The following PADI2 variants were observed in gnomAD, a reference collection of about 807,000 sequenced individuals.
PADI2 encodes the protein protein-arginine deiminase type-2.
In PADI2, 70 loss-of-function variants were observed where a neutral mutation model predicts 81.1. That is an observed-to-expected ratio of 0.86 (90% confidence interval 0.71 to 1.05). The LOEUF (loss-of-function observed/expected upper bound fraction) is 1.05. PADI2 is among the 50% of genes least tolerant of loss of function. The probability of loss-of-function intolerance (pLI) is 0.00; values close to 1 mark genes in which losing one functional copy is unlikely to be tolerated. For synonymous variants in PADI2, 338 were observed against 358.0 expected (o/e 0.94, Z 0.63); for missense variants, 853 against 889.9 (o/e 0.96, Z 0.53).
intron 2 of PADI2, among the ~76,000 whole-genome samples, chr1:17,104,390 A>C (rs574983137): frequency 6.6e-6 from 1 of 150,604 alleles, no homozygotes; most frequent in Admixed American, 6.6e-5. Context: ...TAAGTAATAG[A>C]TATTAAGACA....
chr1:17,085,832 G>T (rs1181747217), intron 7 of PADI2, among the ~76,000 whole-genome samples: 1 of 152,164 alleles, frequency 6.6e-6, no homozygotes, highest in South Asian at 2.1e-4. Context: ...TTGTGTTTGC[G>T]AGAGCAGCCA....
At chr1:17,086,783 G>T in intron 6 of PADI2, 84 bp from the exon 7 acceptor site, 1 of 1,147,130 alleles carries the variant, frequency 8.7e-7, no homozygotes, top group Non-Finnish European at 1.3e-6. Flanking sequence ...GGACAAAAGG[G>T]CAAAGTAACT....
At chr1:17,081,980 G>T (rs1322994510) in intron 10 of PADI2, among the ~76,000 whole-genome samples, 1 of 152,182 alleles carries the variant, frequency 6.6e-6, no homozygotes, top group Non-Finnish European at 1.5e-5. Context: ...AGGCATGATG[G>T]TGCATGCCTG....
rs1464144158 is a variant in PADI2 at position 17,115,900 on chromosome 1, G to A, written c.92+3380C>T. Among the ~76,000 whole-genome samples the A allele has an allele frequency of 6.6e-6, 1 of 152,246 alleles. No individual in the cohort carries two copies. Among genetic ancestry groups the A allele is most frequent in the African/African-American group, 2.4e-5 (1 of 41,460 alleles). On this transcript the variant is annotated intron_variant, in intron 1 of 15. Transcript: ENST00000375486. This position sits in a 1 kb window ranked among gnomAD's most constrained non-coding sequence, Gnocchi z 4.1. Reference sequence around the variant, plus strand: ...CTTTCTATGTATCTATTCATTGCTTGCTGGAGACTAGCAGTCAGAATGAGG... The same window carrying A: ...CTTTCTATGTATCTATTCATTGCTTACTGGAGACTAGCAGTCAGAATGAGG...
intron 10 of PADI2, 92 bp from the exon 11 acceptor site, chr1:17,079,507 G>T: frequency 9.1e-7 from 1 of 1,097,292 alleles, no homozygotes; most frequent in Non-Finnish European, 1.3e-6. Flanking sequence ...TTCAGTCTGG[G>T]TCTGTGGGCA....
chr1:17,086,761 G>C, intron 6 of PADI2, 62 bp from the exon 7 acceptor site: 1 of 1,442,028 alleles, frequency 6.9e-7, no homozygotes, highest in Non-Finnish European at 9.7e-7. Flanking sequence ...GGTGGGGTGG[G>C]ATCACCGATG....
At chr1:17,095,876 T>A in intron 4 of PADI2, 33 bp downstream of exon 4, 19 of 1,582,552 alleles carry the variant, frequency 1.2e-5, no homozygotes, top group Non-Finnish European at 1.6e-5. Flanking sequence ...AAGCCCTGGG[T>A]TCAGGGTGGT....
chr1:17,110,232 C>A (rs1299710888), intron 1 of PADI2, among the ~76,000 whole-genome samples: 2 of 151,990 alleles, frequency 1.3e-5, no homozygotes, highest in African/African-American at 2.4e-5. Flanking sequence ...GGGAGGGGCC[C>A]AGGACAGTAT....
intron 1 of PADI2, among the ~76,000 whole-genome samples, chr1:17,107,787 C>T (rs760228308): frequency 3.9e-5 from 6 of 152,106 alleles, no homozygotes; most frequent in African/African-American, 4.8e-5. Flanking sequence ...GGGAAGGACT[C>T]GGCAGCCTGT....
At chr1:17,086,790 A>T in intron 6 of PADI2, 91 bp from the exon 7 acceptor site, 3 of 1,064,532 alleles carry the variant, frequency 2.8e-6, no homozygotes, top group Non-Finnish European at 4.2e-6. Context: ...AGGGCAAAGT[A>T]ACTTGTCCTC....
chr1:17,072,856 T>G (rs1301341022), intron 13 of PADI2, among the ~76,000 whole-genome samples: 1 of 152,312 alleles, frequency 6.6e-6, no homozygotes, highest in East Asian at 1.9e-4. Flanking sequence ...GGGTAGTTTT[T>G]GAGGGTATGT....
chr1:17,069,214 C>T lies in PADI2; in HGVS notation c.1828G>A (p.Glu610Lys), dbSNP rs746112607. 1 of 1,614,262 alleles carries T rather than the reference C, an allele frequency of 6.2e-7. No individual in the cohort carries two copies. Among genetic ancestry groups the T allele is most frequent in the South Asian group, 1.1e-5 (1 of 91,090 alleles). The change falls in exon 16 of 16, where the codon GAG (glutamate) becomes AAG (lysine). Residue 610 changes from glutamate (E) to lysine (K), a missense_variant. By Grantham distance (56) the Glu-to-Lys change is moderately conservative (BLOSUM62 1). Coordinates refer to ENST00000375486, the MANE Select transcript of PADI2 (RefSeq NM_007365.3). ...IPKPFGPQVE[E>K]ECCLEMHVRG... ...ACGTGCATCTCCAGGCAGCATTCCT[C>T]CTCAACCTGTGGCCCGAATGGCTTG...
In PADI2 at chr1:17,086,697, G is replaced by A; in HGVS notation, c.658C>T (p.Pro220Ser). The A allele has an allele frequency of 6.2e-7, 1 of 1,613,044 alleles. No homozygotes were observed. Among genetic ancestry groups the A allele is most frequent in the Non-Finnish European group, 8.5e-7 (1 of 1,179,420 alleles). The part of the protein sequence containing the change: ...DKVGVFYVEN[P>S]FFGQRYIHIL... ...TGGATATAGCGTTGGCCGAAGAACG[G>A]GTCTGGAGGGAAAAGGACCAACGTC... The change falls in exon 7 of 16, where the codon CCG becomes TCG. Residue 220 changes from proline to serine, a missense_variant and splice_region_variant. Transcript: ENST00000375486.
chr1:17,113,688 A>T (rs1406544258), intron 1 of PADI2, among the ~76,000 whole-genome samples: 1 of 152,206 alleles, frequency 6.6e-6, no homozygotes, highest in Non-Finnish European at 1.5e-5. Context: ...TCTGAGACAC[A>T]GAGAAGGGAC....
intron 7 of PADI2, among the ~76,000 whole-genome samples, chr1:17,086,268 G>A (rs1186280154): frequency 2.0e-5 from 3 of 152,306 alleles, no homozygotes; most frequent in African/African-American, 7.2e-5. Flanking sequence ...GGCGTGGAGT[G>A]TGTCAGGAAA....
At chr1:17,069,681 A>G (rs1260151047) in intron 15 of PADI2, among the ~76,000 whole-genome samples, 1 of 152,124 alleles carries the variant, frequency 6.6e-6, no homozygotes, top group Non-Finnish European at 1.5e-5. Flanking sequence ...GTGTGTGTAT[A>G]TATGTGTCCA....
intron 7 of PADI2, among the ~76,000 whole-genome samples, chr1:17,085,951 G>A (rs561686606): frequency 2.0e-5 from 3 of 152,218 alleles, no homozygotes; most frequent in East Asian, 3.8e-4. Flanking sequence ...CGCCCTCAGT[G>A]ATGGGGGCTT....
chr1:17,114,739 G>A (rs1931702480), intron 1 of PADI2, among the ~76,000 whole-genome samples: 1 of 152,126 alleles, frequency 6.6e-6, no homozygotes, highest in South Asian at 2.1e-4. Flanking sequence ...CCTGGAGGAG[G>A]TGACATTGGA....
chr1:17,098,145 G>A (rs2235915), intron 3 of PADI2, among the ~76,000 whole-genome samples: 92,678 of 151,422 alleles, frequency 0.61, 28,665 homozygotes, highest in African/African-American at 0.68. Flanking sequence ...CTCGGACTCC[G>A]GCTGCCTGCT....
Sources: gnomAD v4.1 joint callset for allele counts (sites outside exome capture counted in the v4.1 genomes callset) on GRCh38, gnomAD v4.1.1 for gene constraint, Gnocchi (gnomAD v3.1) non-coding constraint, MANE v1.5 for transcripts, NCBI Gene and HGNC (gene_info 2026-07-23, HGNC 2026-07-21) for gene names.